ABL2: variants seen among roughly 807,000 people sequenced by gnomAD.
The protein encoded by ABL2 is ABL proto-oncogene 2, non-receptor tyrosine kinase.
In ABL2, 49 loss-of-function variants were observed where a neutral mutation model predicts 107.7. The observed-to-expected ratio is 0.45, with a 90% CI of 0.36 to 0.58. The LOEUF is 0.58. Ranked by LOEUF, ABL2 falls within the 20% of genes least tolerant of loss-of-function variation. The pLI is 0.00. For synonymous variants in ABL2, 549 were observed against 548.6 expected (o/e 1.00, Z -0.01); for missense variants, 1,245 against 1,457.0 (o/e 0.85, Z 2.37).
chr1:179,181,793 AT>A (rs1180371266), intron 1 of ABL2, among the ~76,000 whole-genome samples: 1 of 150,652 alleles, frequency 6.6e-6, no homozygotes, highest in Non-Finnish European at 1.5e-5. Context: ...TTTTATTTTT[AT>A]TTTTGAGACA....
At chr1:179,225,489 T>A (rs1663138025) in intron 1 of ABL2, among the ~76,000 whole-genome samples, 1 of 152,234 alleles carries the variant, frequency 6.6e-6, no homozygotes, top group Non-Finnish European at 1.5e-5. Context: ...AGCTTTCGAA[T>A]CTAATTCATT....
chr1:179,222,372 G>C (rs971452168), intron 1 of ABL2, among the ~76,000 whole-genome samples: 3 of 152,072 alleles, frequency 2.0e-5, no homozygotes, highest in Non-Finnish European at 4.4e-5. Flanking sequence ...TGGGATTACA[G>C]GTGCCCGCCA....
intron 1 of ABL2, among the ~76,000 whole-genome samples, chr1:179,224,976 C>T (rs766964081): frequency 1.1e-4 from 16 of 152,006 alleles, no homozygotes; most frequent in Non-Finnish European, 1.6e-4. Context: ...CAGCGATCTA[C>T]GATCGCAGCA....
chr1:179,147,180 G>GAAAAAAAA (rs759304566), intron 1 of ABL2, among the ~76,000 whole-genome samples: 1 of 5,812 alleles, frequency 1.7e-4, no homozygotes, highest in East Asian at 3.6e-3. Flanking sequence ...TCAGAGAAAT[G>GAAAAAAAA]CAAAAAAAAA....
At chr1:179,111,577 T>G (rs2102590377) in intron 10 of ABL2, among the ~76,000 whole-genome samples, 1 of 152,300 alleles carries the variant, frequency 6.6e-6, no homozygotes, top group East Asian at 1.9e-4. Context: ...TGAGCTGCTG[T>G]GCCTGCCAAG....
At chr1:179,162,558 C>A (rs950623351) in intron 1 of ABL2, among the ~76,000 whole-genome samples, 4 of 152,090 alleles carry the variant, frequency 2.6e-5, no homozygotes, top group Non-Finnish European at 5.9e-5. Context: ...GCATTCCAGC[C>A]TGGGCAACAG....
intron 3 of ABL2, among the ~76,000 whole-genome samples, chr1:179,128,971 C>T (rs760975876): frequency 1.3e-5 from 2 of 151,974 alleles, no homozygotes; most frequent in Admixed American, 6.6e-5. Context: ...AGGGATGAGC[C>T]ACTGCGCTTG....
rs1295379480 is a variant in ABL2 at position 179,229,649 on chromosome 1, G to GCCGCCGCCGCCGCCGCCGCCGCCA, written c.-253_-252insTGGCGGCGGCGGCGGCGGCGGCGG. 2.1e-6 allele frequency: 1 copy of GCCGCCGCCGCCGCCGCCGCCGCCA among 480,458 alleles called. No homozygotes were observed. The highest frequency in any genetic ancestry group is 2.1e-5 in the African/African-American group (1 of 47,560). 29.8% of individuals were successfully genotyped at this position (480,458 alleles called of 1,614,324 possible). ...CGCCCCCAACGCCGCCGCCGCCGCC[G>GCCGCCGCCGCCGCCGCCGCCGCCA]CCGCCACCGCCGCCGCCATCTTTAA... On this transcript the variant is annotated 5_prime_UTR_variant, in exon 1 of 12. Transcript: ENST00000502732.
intron 1 of ABL2, among the ~76,000 whole-genome samples, chr1:179,180,467 G>A (rs548087994): frequency 6.6e-6 from 1 of 152,286 alleles, no homozygotes; most frequent in Admixed American, 6.5e-5. Context: ...CACAGATACT[G>A]AATGAGACTC....
At chr1:179,178,886 C>T (rs981633466) in intron 1 of ABL2, among the ~76,000 whole-genome samples, 29 of 152,094 alleles carry the variant, frequency 1.9e-4, no homozygotes, top group African/African-American at 6.8e-4. Flanking sequence ...GCCTGGGCAA[C>T]AGAGCAAGAC....
At chr1:179,193,308 C>A (rs1329132060) in intron 1 of ABL2, among the ~76,000 whole-genome samples, 1 of 151,308 alleles carries the variant, frequency 6.6e-6, no homozygotes, top group Non-Finnish European at 1.5e-5. Flanking sequence ...TAGGCTCTTT[C>A]TAAAGGTGAA....
chr1:179,107,982 T>C lies in ABL2; in HGVS notation c.3285A>G (p.Leu1095=). The C allele has an allele frequency of 6.2e-7, 1 of 1,614,218 alleles. No individual in the cohort carries two copies. Among genetic ancestry groups the C allele is most frequent in the Non-Finnish European group, 8.5e-7 (1 of 1,180,042 alleles). Residue 1095 remains leucine, a synonymous_variant, in exon 12 of 12, where the codon CTA becomes CTG. Coordinates refer to ENST00000502732, the MANE Select transcript of ABL2 (RefSeq NM_007314.4). ...SKEALLECAD[L]LSSALTEPVP... Reference sequence around the variant, plus strand: ...CAGGTTCCGTGAGTGCACTGGACAGTAGGTCAGCACATTCCAGCAGGGCCT... The same window carrying C: ...CAGGTTCCGTGAGTGCACTGGACAGCAGGTCAGCACATTCCAGCAGGGCCT...
intron 1 of ABL2, among the ~76,000 whole-genome samples, chr1:179,153,894 T>C (rs1256482461): frequency 2.2e-5 from 3 of 133,634 alleles, no homozygotes; most frequent in Non-Finnish European, 3.5e-5. Flanking sequence ...TCCATTTTGT[T>C]CCTACTCCTG....
Position 179,158,612 on chromosome 1 carries a change from T to C in ABL2, c.158-25238A>G, listed in dbSNP as rs1226874780. On this transcript the variant is annotated intron_variant, in intron 1 of 11. Transcript: ENST00000502732. ...GAAACCAGTGACTAACGTAAGTCCT[T>C]TTCCATGATGAGGGAGTGGATGGTG... Among the ~76,000 whole-genome samples, 3 of 152,302 alleles carry C rather than the reference T, an allele frequency of 2.0e-5. No homozygotes were observed. In the East Asian group the frequency reaches 5.8e-4, roughly 29 times the overall value.
At chr1:179,118,994 T>C (rs1654923737) in intron 6 of ABL2, among the ~76,000 whole-genome samples, 1 of 152,170 alleles carries the variant, frequency 6.6e-6, no homozygotes, top group Non-Finnish European at 1.5e-5. Flanking sequence ...TCTGAGTATT[T>C]GTCTATTTGA....
rs560542546 is a variant in ABL2 at position 179,159,006 on chromosome 1, GTTATA to G, written c.158-25637_158-25633del. 9.8e-5 allele frequency among the ~76,000 whole-genome samples: 15 copies of G among 152,326 alleles called. No homozygotes were observed. In the East Asian group the frequency reaches 1.9e-3, roughly 20 times the overall value. Reference sequence around the variant, plus strand: ...TTATAATAATAGCTGCATGGCAGCTGTTATATTATGAGTATAAATCAGCAGTAGAG... The same window carrying G: ...TTATAATAATAGCTGCATGGCAGCTGTTATGAGTATAAATCAGCAGTAGAG... On this transcript the variant is annotated intron_variant, in intron 1 of 11. Coordinates refer to ENST00000502732, the MANE Select transcript of ABL2 (RefSeq NM_007314.4).
intron 3 of ABL2, among the ~76,000 whole-genome samples, chr1:179,129,478 C>T (rs974695136): frequency 1.3e-5 from 2 of 152,052 alleles, no homozygotes; most frequent in Non-Finnish European, 2.9e-5. Flanking sequence ...GTCAGGAGTT[C>T]GAGGCCATCC....
chr1:179,201,286 C>G (rs1028243941), intron 1 of ABL2, among the ~76,000 whole-genome samples: 1 of 152,174 alleles, frequency 6.6e-6, no homozygotes, highest in Non-Finnish European at 1.5e-5. Flanking sequence ...ATTCAAAATG[C>G]ACCCCCATTT....
rs896773695 is a variant in ABL2, at chr1:179,100,348, A to T, written c.*7370T>A. ...GGTATGGTACTTCTGAACTGTGCAG[A>T]ACAGTATCTGAGGTTTACTGTTGAT... is the stretch of plus-strand genomic sequence containing the variant. On this transcript the variant is annotated 3_prime_UTR_variant, in exon 12 of 12. Coordinates refer to ENST00000502732, the MANE Select transcript of ABL2 (RefSeq NM_007314.4). 3.5e-5 allele frequency: 8 copies of T among 227,980 alleles called. No individual in the cohort carries two copies. Among genetic ancestry groups the T allele is most frequent in the African/African-American group, 1.3e-4 (6 of 45,054 alleles). 14.1% of individuals were successfully genotyped at this position (227,980 alleles called of 1,614,324 possible). A position where few individuals can be genotyped will look rare whatever the true frequency, so the allele number is the denominator to read the frequency against.
Sources: gnomAD v4.1 joint callset for allele counts (sites outside exome capture counted in the v4.1 genomes callset) on GRCh38, gnomAD v4.1.1 for gene constraint, MANE v1.5 for transcripts, NCBI Gene and HGNC (gene_info 2026-07-23, HGNC 2026-07-21) for gene names.